Variants in MYOF observed in about 807,000 individuals in gnomAD.
MYOF encodes the protein fer-1-like 3, myoferlin.
MYOF carries 244 observed loss-of-function variants against 284.2 expected under a neutral mutation model. That is an observed-to-expected ratio of 0.86 (90% CI 0.77 to 0.95). MYOF has a LOEUF of 0.95. MYOF is among the 40% of genes least tolerant of loss of function. The pLI is 0.00. For missense variants in MYOF, 2,496 were observed against 2,560.6 expected (o/e 0.97, Z 0.54); for synonymous variants, 904 against 919.7 (o/e 0.98, Z 0.31).
chr10:93,432,476 T>G (rs190342226), intron 3 of MYOF, among the ~76,000 whole-genome samples: 2 of 151,942 alleles, frequency 1.3e-5, no homozygotes, highest in East Asian at 3.9e-4. Flanking sequence ...TAGGACAAAA[T>G]TCAGTAAGAG....
chr10:93,412,183 C>T (rs565327632), intron 5 of MYOF, among the ~76,000 whole-genome samples: 1 of 152,294 alleles, frequency 6.6e-6, no homozygotes, highest in South Asian at 2.1e-4. Flanking sequence ...GAGCTAAAAC[C>T]AGGACCAAGT....
chr10:93,307,706 C>T (rs544247779), intron 53 of MYOF, among the ~76,000 whole-genome samples: 1 of 150,960 alleles, frequency 6.6e-6, no homozygotes, highest in East Asian at 2.0e-4. Context: ...GTCACTGCAA[C>T]CTTTGCCTCG....
chr10:93,452,909 T>A (rs2056635934), intron 2 of MYOF, among the ~76,000 whole-genome samples: 1 of 152,074 alleles, frequency 6.6e-6, no homozygotes, highest in African/African-American at 2.4e-5. Context: ...TATACCGACC[T>A]TTCTGAGACT....
intron 46 of MYOF, among the ~76,000 whole-genome samples, chr10:93,325,607 G>A (rs542237770): frequency 1.4e-4 from 21 of 152,152 alleles, no homozygotes; most frequent in Non-Finnish European, 2.8e-4. Context: ...CCTGGTTCTG[G>A]TTTGTTCTGA....
chr10:93,454,796 A>G (rs902130205), intron 2 of MYOF, among the ~76,000 whole-genome samples: 2 of 151,524 alleles, frequency 1.3e-5, no homozygotes, highest in Non-Finnish European at 2.9e-5. Context: ...TGGGCAACAT[A>G]GCAGGATGTA....
Position 93,349,889 on chromosome 10 carries a change from T to A in MYOF, c.4002A>T (p.Gly1334=). ...TCACCACCGATTCCACCCTTTCTCCTCCACACTCCACAACAAGACTGGGGG... is the reference window on the plus strand; with the variant it reads ...TCACCACCGATTCCACCCTTTCTCCACCACACTCCACAACAAGACTGGGGG... ...ITSPSLVVEC[G]GERVESVVIK... is the part of the protein sequence containing the mutation. Residue 1334 remains glycine, a synonymous_variant, in exon 36 of 54, where the codon GGA becomes GGT. Transcript: ENST00000359263. 1 of 1,614,060 alleles carries A rather than the reference T, an allele frequency of 6.2e-7. No individual in the cohort carries two copies. Among genetic ancestry groups the A allele is most frequent in the Non-Finnish European group, 8.5e-7 (1 of 1,180,006 alleles).
rs906192355 is a variant in MYOF at position 93,335,920 on chromosome 10, C to G, written c.4563+1G>C. 1 of 1,614,010 alleles carries G rather than the reference C, an allele frequency of 6.2e-7. No homozygotes were observed. The highest frequency in any genetic ancestry group is 8.5e-7 in the Non-Finnish European group (1 of 1,179,958). On this transcript the variant is annotated splice_donor_variant, in intron 41 of 53. Transcript: ENST00000359263. LOFTEE classifies it high-confidence loss of function. ...ACGGGACCAACACACATCTTACTCA[C>G]CTTAAACTCTCCAACCACAGAAGGA...
chr10:93,415,721 T>C (rs989321741), intron 5 of MYOF, among the ~76,000 whole-genome samples: 1 of 152,214 alleles, frequency 6.6e-6, no homozygotes, highest in Non-Finnish European at 1.5e-5. Context: ...TGAAGCCAAC[T>C]CTTCCGCATT....
At position 93,404,376 on chromosome 10, in the gene MYOF, C is replaced by T. The variant is rs182979600; in HGVS notation, c.730-157G>A. ...CACATGGCAAGGCCTGGAGTTTAAGCCCTGCAGTTTAAGCTTCATGGTAAA... is the reference window on the plus strand; with the variant it reads ...CACATGGCAAGGCCTGGAGTTTAAGTCCTGCAGTTTAAGCTTCATGGTAAA... On this transcript the variant is annotated intron_variant, in intron 7 of 53. Transcript: ENST00000359263. Among the ~76,000 whole-genome samples the T allele has an allele frequency of 1.8e-3, 275 of 152,224 alleles. 1 individual carries two copies. The highest frequency in any genetic ancestry group is 6.4e-3 in the African/African-American group (264 of 41,524).
intron 4 of MYOF, among the ~76,000 whole-genome samples, chr10:93,428,294 G>A (rs1472459788): frequency 2.6e-5 from 4 of 151,012 alleles, no homozygotes; most frequent in Non-Finnish European, 5.9e-5. Context: ...CCTCACACCC[G>A]GGTTCCAGTG....
chr10:93,457,857 C>T (rs1765366330), intron 1 of MYOF, among the ~76,000 whole-genome samples: 2 of 151,504 alleles, frequency 1.3e-5, no homozygotes, highest in South Asian at 4.2e-4. Context: ...CTCGGCGCCC[C>T]ATGTAGTTGG....
Position 93,414,888 on chromosome 10 carries a change from C to T in MYOF, c.434-5149G>A, listed in dbSNP as rs552955715. The stretch of plus-strand genomic sequence containing the variant: ...CCTCCTGAGTAGCTGGGATTACAGG[C>T]ACCTGCCACCACGCCCTGCTAATTT... On this transcript the variant is annotated intron_variant, in intron 5 of 53. Coordinates refer to ENST00000359263, the MANE Select transcript of MYOF (RefSeq NM_013451.4). Among the ~76,000 whole-genome samples, 10 of 152,110 alleles carry T rather than the reference C, an allele frequency of 6.6e-5. No homozygotes were observed. The East Asian group carries it at 2.0e-3, about 30-fold the overall frequency.
intron 7 of MYOF, among the ~76,000 whole-genome samples, chr10:93,405,990 C>G (rs938474353): frequency 3.3e-5 from 5 of 151,398 alleles, no homozygotes; most frequent in African/African-American, 1.2e-4. Flanking sequence ...CAGAGTCTCG[C>G]TCTGTCACCC....
At chr10:93,332,820 A>T (rs191907039) in intron 43 of MYOF, among the ~76,000 whole-genome samples, 2 of 152,050 alleles carry the variant, frequency 1.3e-5, no homozygotes, top group Non-Finnish European at 2.9e-5. Context: ...GCACTCCAGC[A>T]TGGGTGACAG....
At chr10:93,385,173 G>C (rs1416474958) in intron 19 of MYOF, among the ~76,000 whole-genome samples, 1 of 152,168 alleles carries the variant, frequency 6.6e-6, no homozygotes, top group Non-Finnish European at 1.5e-5. Context: ...ACAGACTCTT[G>C]ATCCTGGAGA....
intron 5 of MYOF, among the ~76,000 whole-genome samples, chr10:93,423,490 C>T (rs939621055): frequency 7.3e-6 from 1 of 136,136 alleles, no homozygotes; most frequent in African/African-American, 2.9e-5. Flanking sequence ...TGCACCACTG[C>T]ACTCCAGCCT....
At chr10:93,374,674 G>C in intron 23 of MYOF, 89 bp downstream of exon 23, 1 of 1,336,636 alleles carries the variant, frequency 7.5e-7, no homozygotes, top group Non-Finnish European at 1.0e-6. Context: ...TAATGTAGTA[G>C]ATTCTCTTTC....
At chr10:93,374,307 A>G (rs1347418239) in intron 23 of MYOF, among the ~76,000 whole-genome samples, 3 of 152,194 alleles carry the variant, frequency 2.0e-5, no homozygotes, top group Non-Finnish European at 4.4e-5. Flanking sequence ...TCTTCACACA[A>G]CAAAGCTAAC....
intron 5 of MYOF, among the ~76,000 whole-genome samples, chr10:93,422,052 A>G (rs764359845): frequency 6.6e-6 from 1 of 152,072 alleles, no homozygotes; most frequent in African/African-American, 2.4e-5. Flanking sequence ...CAAAGGCAGC[A>G]CTTCCAGATC....
Sources: gnomAD v4.1 joint callset for allele counts (sites outside exome capture counted in the v4.1 genomes callset) on GRCh38, gnomAD v4.1.1 for gene constraint, MANE v1.5 for transcripts, NCBI Gene and HGNC (gene_info 2026-07-23, HGNC 2026-07-21) for gene names.